The following SPON1 variants were observed in gnomAD, a reference collection of about 807,000 sequenced individuals.
SPON1 encodes spondin-1.
A neutral mutation model predicts 111.7 loss-of-function variants in SPON1; 52 were observed. That is an observed-to-expected ratio of 0.47 (90% CI 0.37 to 0.59). The LOEUF is 0.59. Ranked by LOEUF, SPON1 falls within the 20% of genes least tolerant of loss-of-function variation. SPON1 has a pLI of 0.00. For synonymous variants in SPON1, 410 were observed against 395.8 expected (o/e 1.04, Z -0.43); for missense variants, 957 against 1,068.5 (o/e 0.90, Z 1.46).
At chr11:14,104,141 A>T (rs558221246) in intron 5 of SPON1, among the ~76,000 whole-genome samples, 1 of 151,906 alleles carries the variant, frequency 6.6e-6, no homozygotes, top group African/African-American at 2.4e-5. Context: ...TAGTGTTTTT[A>T]TCCTTTTTCT....
At chr11:14,108,714 A>G (rs1472190539) in intron 5 of SPON1, among the ~76,000 whole-genome samples, 3 of 152,064 alleles carry the variant, frequency 2.0e-5, no homozygotes, top group African/African-American at 7.2e-5. Flanking sequence ...AGACAAACAC[A>G]TGGAACTAAT....
At chr11:14,107,590 G>GAAAAAAAAAAA (rs3047369) in intron 5 of SPON1, among the ~76,000 whole-genome samples, 1 of 119,266 alleles carries the variant, frequency 8.4e-6, no homozygotes, top group South Asian at 2.8e-4. Context: ...AGATCCTCAG[G>GAAAAAAAAAAA]AAAAAAAAAA....
chr11:13,975,880 A>G (rs1488128786), intron 1 of SPON1, among the ~76,000 whole-genome samples: 3 of 152,080 alleles, frequency 2.0e-5, no homozygotes, highest in Admixed American at 2.0e-4. Flanking sequence ...ATGATCTTTT[A>G]TCATAATCAC....
At chr11:14,132,279 A>G (rs999755344) in intron 5 of SPON1, among the ~76,000 whole-genome samples, 1 of 150,792 alleles carries the variant, frequency 6.6e-6, no homozygotes, top group Non-Finnish European at 1.5e-5. Flanking sequence ...CTCCGTCTCA[A>G]AAAAAAAAAA....
intron 6 of SPON1, among the ~76,000 whole-genome samples, chr11:14,159,955 C>T (rs1322013509): frequency 2.6e-5 from 4 of 151,946 alleles, no homozygotes; most frequent in East Asian, 1.9e-4. Flanking sequence ...ATAGTGAGAA[C>T]GAATGAGTAC....
chr11:13,987,033 T>C (rs562596417), intron 2 of SPON1, among the ~76,000 whole-genome samples: 55 of 152,384 alleles, frequency 3.6e-4, no homozygotes, highest in African/African-American at 1.3e-3. Flanking sequence ...TATGTGTGTA[T>C]GTGTCCTTAT....
intron 2 of SPON1, among the ~76,000 whole-genome samples, chr11:13,984,010 C>G (rs1267185155): frequency 6.6e-6 from 1 of 152,090 alleles, no homozygotes; most frequent in Non-Finnish European, 1.5e-5. Context: ...AGGTTTTGGG[C>G]CTGGTGAGAC....
At chr11:13,981,066 T>C (rs1848140237) in intron 1 of SPON1, among the ~76,000 whole-genome samples, 1 of 152,206 alleles carries the variant, frequency 6.6e-6, no homozygotes, top group Non-Finnish European at 1.5e-5. Context: ...TCAATTTACA[T>C]CAATTTAAAG....
intron 5 of SPON1, among the ~76,000 whole-genome samples, chr11:14,129,996 C>G (rs538469878): frequency 6.6e-6 from 1 of 152,354 alleles, no homozygotes; most frequent in South Asian, 2.1e-4. Context: ...CCCACCAAAT[C>G]TCTCCTGTGA....
At chr11:14,020,126 T>C (rs1271859400) in intron 2 of SPON1, among the ~76,000 whole-genome samples, 1 of 152,084 alleles carries the variant, frequency 6.6e-6, no homozygotes, top group Non-Finnish European at 1.5e-5. Context: ...GGGCCAGTAA[T>C]TAAGAATGTG....
chr11:14,056,751 C>T (rs549175766), intron 3 of SPON1, among the ~76,000 whole-genome samples: 3 of 152,004 alleles, frequency 2.0e-5, no homozygotes, highest in South Asian at 2.1e-4. Context: ...ATTAGCCAGG[C>T]GTGGTGGCGG....
intron 5 of SPON1, among the ~76,000 whole-genome samples, chr11:14,110,357 A>G (rs1849218033): frequency 6.6e-6 from 1 of 152,204 alleles, no homozygotes; most frequent in Admixed American, 6.5e-5. Flanking sequence ...TTGCACATCA[A>G]TTAAACAATT....
chr11:14,041,716 A>G lies in SPON1; in HGVS notation c.479+62A>G, dbSNP rs113227652. On this transcript the variant is annotated intron_variant, in intron 3 of 15. Transcript: ENST00000576479. ...AAGACTTTGTGGTGTGATTGCAGGGAAAAAAAAAAAAGTTCTTTACTGAGC... is the reference window on the plus strand; with the variant it reads ...AAGACTTTGTGGTGTGATTGCAGGGGAAAAAAAAAAAGTTCTTTACTGAGC... 276 of 508,354 alleles carry G rather than the reference A, an allele frequency of 5.4e-4. No homozygotes were observed. In the Admixed American group the frequency reaches 7.1e-3, roughly 13 times the overall value. The allele number at this position is 508,354 out of a possible 1,614,324, so 31.5% of individuals were successfully genotyped here.
intron 6 of SPON1, among the ~76,000 whole-genome samples, chr11:14,226,923 C>T (rs543877453): frequency 1.3e-5 from 2 of 152,296 alleles, no homozygotes; most frequent in South Asian, 4.1e-4. Flanking sequence ...TCTCTGCTTC[C>T]ATTATCACAG....
chr11:14,224,483 A>G (rs1242203978), intron 6 of SPON1, among the ~76,000 whole-genome samples: 1 of 152,240 alleles, frequency 6.6e-6, no homozygotes, highest in Non-Finnish European at 1.5e-5. Flanking sequence ...CAAGTAGAAT[A>G]TCTTTGATAT....
intron 2 of SPON1, among the ~76,000 whole-genome samples, chr11:14,026,673 G>A (rs1221508521): frequency 2.0e-5 from 3 of 152,232 alleles, no homozygotes; most frequent in African/African-American, 7.2e-5. Flanking sequence ...TTAAGGAAAG[G>A]ATAACAGGGA....
chr11:14,021,771 T>C (rs1848482974), intron 2 of SPON1, among the ~76,000 whole-genome samples: 1 of 152,234 alleles, frequency 6.6e-6, no homozygotes, highest in Non-Finnish European at 1.5e-5. Flanking sequence ...TGTAGATTTC[T>C]GATACACACG....
chr11:14,209,030 A>G (rs1017169201), intron 6 of SPON1, among the ~76,000 whole-genome samples: 1 of 152,218 alleles, frequency 6.6e-6, no homozygotes, highest in Non-Finnish European at 1.5e-5. Context: ...CTGATTTAAA[A>G]TATATCAGCT....
At chr11:14,200,073 C>T (rs533147100) in intron 6 of SPON1, among the ~76,000 whole-genome samples, 1 of 152,248 alleles carries the variant, frequency 6.6e-6, no homozygotes, top group South Asian at 2.1e-4. Context: ...TACTAACCCT[C>T]CAAGACACAA....
Sources: allele counts gnomAD v4.1 joint callset (sites outside exome capture counted in the v4.1 genomes callset), GRCh38; gene constraint gnomAD v4.1.1; transcripts MANE v1.5; gene names NCBI Gene and HGNC (gene_info 2026-07-23, HGNC 2026-07-21).